TMEM151B: variants seen among roughly 807,000 people sequenced by gnomAD.
TMEM151B encodes the protein transmembrane protein 151B.
Under a neutral mutation model 33.0 loss-of-function variants are expected in TMEM151B, and 18 were observed. The observed-to-expected ratio is 0.55, with a 90% CI of 0.38 to 0.81. The LOEUF (loss-of-function observed/expected upper bound fraction) is 0.81, where lower values mean the gene tolerates loss of function less well. Ranked by LOEUF, TMEM151B falls within the 30% of genes least tolerant of loss-of-function variation. TMEM151B has a pLI of 0.00. For missense variants in TMEM151B, 672 were observed against 843.4 expected, an observed-to-expected ratio of 0.80 and a Z score of 2.52; for synonymous variants, 354 against 373.6, an observed-to-expected ratio of 0.95 and a Z score of 0.61.
rs1201538908 is a variant in TMEM151B at position 44,276,447 on chromosome 6, G to C, written c.1621G>C (p.Val541Leu). 6.7e-7 allele frequency: 1 copy of C among 1,494,104 alleles called. No individual in the cohort carries two copies. The highest frequency in any genetic ancestry group is 2.1e-5 in the Admixed American group (1 of 47,434). 92.6% of individuals were successfully genotyped at this position (1,494,104 alleles called of 1,614,324 possible). A position where few individuals can be genotyped will look rare whatever the true frequency, so the allele number is the denominator to read the frequency against. Residue 541 changes from valine to leucine, a missense_variant, in exon 3 of 3, where the codon GTC (valine) becomes CTC (leucine). Coordinates refer to ENST00000451188, the MANE Select transcript of TMEM151B (RefSeq NM_001137560.2). Reference sequence around the variant, plus strand: ...CGCCCTCTACTTTCCGGTCCTCATCGTCCACCGGCAGGAGGGGTGTCTGGG... The same window carrying C: ...CGCCCTCTACTTTCCGGTCCTCATCCTCCACCGGCAGGAGGGGTGTCTGGG... ...HDALYFPVLI[V>L]HRQEGCLGHS...
At chr6:44,271,050 G>A (rs1345781290) in intron 1 of TMEM151B, among the ~76,000 whole-genome samples, 173 bp downstream of exon 1, 1 of 149,984 alleles carries the variant, frequency 6.7e-6, no homozygotes, top group Non-Finnish European at 1.5e-5. Context: ...GGAGCTGTCC[G>A]CGGTGCCGGG....
In TMEM151B at chr6:44,275,400, C is replaced by A; in HGVS notation, c.577-3C>A. 6.7e-7 allele frequency: 1 copy of A among 1,499,714 alleles called. No homozygotes were observed. Among genetic ancestry groups the A allele is most frequent in the Non-Finnish European group, 8.9e-7 (1 of 1,120,222 alleles). 92.9% of individuals were successfully genotyped at this position (1,499,714 alleles called of 1,614,324 possible). ...ACCCCGCCGCCTGCCCCCCGCGCCG[C>A]AGGTCTACCACGAACGCGTCAACAC... On this transcript the variant is annotated splice_region_variant and splice_polypyrimidine_tract_variant and intron_variant, in intron 2 of 2. Transcript: ENST00000451188.
In TMEM151B at chr6:44,273,200, C is replaced by T. The variant is rs1194793433; in HGVS notation, c.270C>T (p.Leu90=). Reference sequence around the variant, plus strand: ...GCCACGTCACCACAGTGACGCGCCTCACCTTCAGCAGCGCCTACCAGGGCA... The same window carrying T: ...GCCACGTCACCACAGTGACGCGCCTTACCTTCAGCAGCGCCTACCAGGGCA... ...AWCHVTTVTR[L]TFSSAYQGNS... is the part of the protein sequence containing the mutation. Residue 90 remains leucine, a synonymous_variant, in exon 2 of 3, where the codon CTC becomes CTT. Transcript: ENST00000451188. 1.9e-6 allele frequency: 3 copies of T among 1,549,880 alleles called. No homozygotes were observed. The highest frequency in any genetic ancestry group is 1.2e-5 in the South Asian group (1 of 84,052).
In TMEM151B at chr6:44,276,419, C is replaced by G. The variant is rs1219932409; in HGVS notation, c.1593C>G (p.His531Gln). 4 of 1,511,720 alleles carry G rather than the reference C, an allele frequency of 2.6e-6. No individual in the cohort carries two copies. The highest frequency in any genetic ancestry group is 2.7e-5 in the East Asian group (1 of 37,620). The allele number at this position is 1,511,720 out of a possible 1,614,324, so 93.6% of individuals were successfully genotyped here. A position where few individuals can be genotyped will look rare whatever the true frequency, so the allele number is the denominator to read the frequency against. Reference protein sequence around the residue: ...EEEAGPPPPYHDALYFPVLIV... With the variant: ...EEEAGPPPPYQDALYFPVLIV... The stretch of plus-strand genomic sequence containing the variant: ...AGGCCGGGCCGCCGCCGCCCTACCA[C>G]GACGCCCTCTACTTTCCGGTCCTCA... Residue 531 changes from histidine to glutamine, a missense_variant, in exon 3 of 3, where the codon CAC (histidine) becomes CAG (glutamine). Transcript: ENST00000451188.
rs1782441352 is a variant in TMEM151B, at chr6:44,273,383, A to T, written c.453A>T (p.Glu151Asp). ...GTGTTGATGTGAGCAGTGTGCGGGA[A>T]CGTGTGGGCCGCATGCAGCAAGCCA... ...QHRVDVSSVR[E>D]RVGRMQQATP... The change falls in exon 2 of 3, where the codon GAA (glutamate) becomes GAT (aspartate). Residue 151 changes from glutamate (E) to aspartate (D), a missense_variant. Glu to Asp is a conservative substitution (Grantham distance 45, BLOSUM62 2). Around this residue, in one of 3 missense-constraint regions of TMEM151B, gnomAD observed 285 missense variants for 423.1 expected, o/e 0.67. Transcript: ENST00000451188. 1 of 1,551,294 alleles carries T rather than the reference A, an allele frequency of 6.4e-7. No homozygotes were observed. The highest frequency in any genetic ancestry group is 1.2e-5 in the South Asian group (1 of 84,068).
chr6:44,276,205 G>A lies in TMEM151B; in HGVS notation c.1379G>A (p.Gly460Asp). 7.8e-7 allele frequency: 1 copy of A among 1,289,588 alleles called. No homozygotes were observed. Among genetic ancestry groups the A allele is most frequent in the Non-Finnish European group, 9.8e-7 (1 of 1,022,458 alleles). 79.9% of individuals were successfully genotyped at this position (1,289,588 alleles called of 1,614,324 possible). ...AGCATCTGCGCCAGCCCGCGGGCCG[G>A]CCCGGGGCCCGGTGGGGGCGCGGGC... ...ALSICASPRAGPGPGGGAGCG... is the reference protein window; with the variant it reads ...ALSICASPRADPGPGGGAGCG... Residue 460 changes from glycine to aspartate, a missense_variant, in exon 3 of 3, where the codon GGC (glycine) becomes GAC (aspartate). Physicochemically the swap from Gly to Asp is moderately conservative, Grantham distance 94 (BLOSUM62 -1). This residue lies in a region of TMEM151B where 324 missense variants were observed against 363.1 expected (regional missense o/e 0.89). Coordinates refer to ENST00000451188, the MANE Select transcript of TMEM151B (RefSeq NM_001137560.2).
Position 44,275,779 on chromosome 6 carries a change from C to T in TMEM151B, c.953C>T (p.Ala318Val), listed in dbSNP as rs1441805601. ...LTLSWPLRVL[A>V]EYRTAYAHYH... is the part of the protein sequence containing the mutation. ...CTGTCGTGGCCGCTGCGAGTGCTGG[C>T]CGAGTACCGCACGGCCTACGCGCAC... is the stretch of plus-strand genomic sequence containing the variant. Residue 318 changes from alanine to valine, a missense_variant, in exon 3 of 3, where the codon GCC (alanine) becomes GTC (valine). Around this residue, in one of 3 missense-constraint regions of TMEM151B, gnomAD observed 285 missense variants for 423.1 expected, o/e 0.67. Coordinates refer to ENST00000451188, the MANE Select transcript of TMEM151B (RefSeq NM_001137560.2). 1.9e-6 allele frequency: 3 copies of T among 1,543,220 alleles called. No individual in the cohort carries two copies. Among genetic ancestry groups the T allele is most frequent in the South Asian group, 1.2e-5 (1 of 83,874 alleles).
intron 2 of TMEM151B, among the ~76,000 whole-genome samples, chr6:44,274,273 T>C (rs1319145364): frequency 6.6e-6 from 1 of 152,192 alleles, no homozygotes; most frequent in Non-Finnish European, 1.5e-5. Flanking sequence ...TGCTCTTACC[T>C]GTTCAGTGAG....
At chr6:44,272,922 T>G (rs1210441760) in intron 1 of TMEM151B, 144 bp from the exon 2 acceptor site, 2 of 741,366 alleles carry the variant, frequency 2.7e-6, no homozygotes, top group Non-Finnish European at 4.3e-6. Flanking sequence ...GGTCTCACCT[T>G]TTCTCTCCAT....
chr6:44,275,546 C>T lies in TMEM151B; in HGVS notation c.720C>T (p.Phe240=), dbSNP rs935908967. The T allele has an allele frequency of 5.2e-6, 8 of 1,550,570 alleles. No individual in the cohort carries two copies. The East Asian group carries it at 1.5e-4, about 28-fold the overall frequency. The change falls in exon 3 of 3, where the codon TTC becomes TTT. Residue 240 remains phenylalanine (F), a synonymous_variant. Transcript: ENST00000451188. ...TRLRFTKCFS[F]ASVEAENAYL... ...TGCGCTTCACCAAGTGCTTCAGTTT[C>T]GCCAGCGTGGAGGCCGAGAACGCGT...
rs1347840598 is a variant in TMEM151B at position 44,275,846 on chromosome 6, G to A, written c.1020G>A (p.Ser340=). Reference sequence around the variant, plus strand: ...TATTTGGCCTGGAGGGCCCGGGCTCGGCCAGCAGCGCAGGCGGTGGCCTCA... The same window carrying A: ...TATTTGGCCTGGAGGGCCCGGGCTCAGCCAGCAGCGCAGGCGGTGGCCTCA... ...EKLFGLEGPG[S]ASSAGGGLSP... Residue 340 remains serine, a synonymous_variant, in exon 3 of 3, where the codon TCG becomes TCA. Coordinates refer to ENST00000451188, the MANE Select transcript of TMEM151B (RefSeq NM_001137560.2). 3 of 1,541,862 alleles carry A rather than the reference G, an allele frequency of 1.9e-6. No individual in the cohort carries two copies. The highest frequency in any genetic ancestry group is 2.6e-6 in the Non-Finnish European group (3 of 1,145,796).
Position 44,273,367 on chromosome 6 carries a change from T to G in TMEM151B, c.437T>G (p.Val146Gly). The change falls in exon 2 of 3, where the codon GTG (valine) becomes GGG (glycine). Residue 146 changes from valine to glycine, a missense_variant. Val to Gly is a moderately radical substitution (Grantham distance 109, BLOSUM62 -3). Around this residue, in one of 3 missense-constraint regions of TMEM151B, gnomAD observed 285 missense variants for 423.1 expected, o/e 0.67. Coordinates refer to ENST00000451188, the MANE Select transcript of TMEM151B (RefSeq NM_001137560.2). ...CATGAGCTGCAGCACCGTGTTGATG[T>G]GAGCAGTGTGCGGGAACGTGTGGGC... ...ARHELQHRVD[V>G]SSVRERVGRM... is the part of the protein sequence containing the mutation. 1 of 1,551,566 alleles carries G rather than the reference T, an allele frequency of 6.4e-7. No homozygotes were observed. Among genetic ancestry groups the G allele is most frequent in the Non-Finnish European group, 8.7e-7 (1 of 1,147,008 alleles).
At position 44,274,198 on chromosome 6, in the gene TMEM151B, A is replaced by T. The variant is rs564175547; in HGVS notation, c.576+692A>T. Among the ~76,000 whole-genome samples the T allele has an allele frequency of 9.1e-4, 139 of 152,336 alleles. 4 individuals carry two copies. The South Asian group carries it at 0.023, about 25-fold the overall frequency. ...ACAGTGCAAGACCCCATCTCAAAAA[A>T]AAAAATAAAAATAAAAATAGTGCTT... On this transcript the variant is annotated intron_variant, in intron 2 of 2. Transcript: ENST00000451188.
At chr6:44,274,207 AAAT>A (rs1382542994) in intron 2 of TMEM151B, among the ~76,000 whole-genome samples, 2 of 152,176 alleles carry the variant, frequency 1.3e-5, no homozygotes, top group East Asian at 3.8e-4. Context: ...AAAAAAATAA[AAAT>A]AAAAATAGTG....
rs1782542947 is a variant in TMEM151B at position 44,275,485 on chromosome 6, C to A, written c.659C>A (p.Thr220Lys). Reference sequence around the variant, plus strand: ...TGCGGCGTTCGCGACGTGTCCAAGACGCTGGTGGGGCTGGAGGGCGCGCCG... The same window carrying A: ...TGCGGCGTTCGCGACGTGTCCAAGAAGCTGGTGGGGCTGGAGGGCGCGCCG... ...ARCGVRDVSKTLVGLEGAPAT... is the reference protein window; with the variant it reads ...ARCGVRDVSKKLVGLEGAPAT... Residue 220 changes from threonine (T) to lysine (K), a missense_variant, in exon 3 of 3, where the codon ACG becomes AAG. Transcript: ENST00000451188. 1.3e-6 allele frequency: 2 copies of A among 1,549,406 alleles called. No individual in the cohort carries two copies. Among genetic ancestry groups the A allele is most frequent in the Non-Finnish European group, 1.7e-6 (2 of 1,146,072 alleles).
At chr6:44,271,151 T>G (rs1349104971) in intron 1 of TMEM151B, among the ~76,000 whole-genome samples, 2 of 148,892 alleles carry the variant, frequency 1.3e-5, no homozygotes, top group Non-Finnish European at 3.0e-5. Flanking sequence ...CTTATGAGAG[T>G]GGGGGCTATG....
chr6:44,277,951 C>A lies in TMEM151B; in HGVS notation c.*1424C>A. The A allele has an allele frequency of 6.5e-6, 1 of 152,968 alleles. No individual in the cohort carries two copies. The highest frequency in any genetic ancestry group is 1.5e-5 in the Non-Finnish European group (1 of 68,402). 9.5% of individuals were successfully genotyped at this position (152,968 alleles called of 1,614,324 possible). ...CCAACTCCCCTGGCTAAAGTCTCCC[C>A]AGCAGATTTAGCACCCAGGGATTGA... is the stretch of plus-strand genomic sequence containing the variant. On this transcript the variant is annotated 3_prime_UTR_variant, in exon 3 of 3. Transcript: ENST00000451188.
rs1235692966 is a variant in TMEM151B at position 44,278,205 on chromosome 6, A to G, written c.*1678A>G. The G allele has an allele frequency of 6.4e-6, 1 of 155,070 alleles. No individual in the cohort carries two copies. Among genetic ancestry groups the G allele is most frequent in the Non-Finnish European group, 1.5e-5 (1 of 68,518 alleles). The allele number at this position is 155,070 out of a possible 1,614,324, so 9.6% of individuals were successfully genotyped here. On this transcript the variant is annotated 3_prime_UTR_variant, in exon 3 of 3. Transcript: ENST00000451188. ...CTAGCGGGGAGTGCGAGGGGCCCAA[A>G]TTGTGGGGATACCATGGCCCATGGC...
chr6:44,272,220 C>T (rs906155216), intron 1 of TMEM151B, among the ~76,000 whole-genome samples: 2 of 152,164 alleles, frequency 1.3e-5, no homozygotes, highest in African/African-American at 4.8e-5. Context: ...ACGTTGTCCT[C>T]GCTACCCCAG....
Sources: gnomAD v4.1 joint callset for allele counts (sites outside exome capture counted in the v4.1 genomes callset) on GRCh38, gnomAD v4.1.1 for gene constraint, gnomAD v4.1.1 regional missense constraint, MANE v1.5 for transcripts, NCBI Gene and HGNC (gene_info 2026-07-23, HGNC 2026-07-21) for gene names.